The following GRK7 variants were observed in gnomAD, a reference collection of about 807,000 sequenced individuals.
GRK7 encodes G protein-coupled receptor kinase 7.
A neutral mutation model predicts 34.1 loss-of-function variants in GRK7; 24 were observed. The observed-to-expected ratio is 0.70, with a 90% CI of 0.51 to 0.99. The LOEUF (loss-of-function observed/expected upper bound fraction) is 0.99, where lower values mean the gene tolerates loss of function less well. Ranked by LOEUF, GRK7 falls within the 50% of genes least tolerant of loss-of-function variation. The pLI, the probability that GRK7 is intolerant of heterozygous loss-of-function variation, is 0.00. For missense variants in GRK7, 644 were observed against 707.3 expected, an observed-to-expected ratio of 0.91 and a Z score of 1.02; for synonymous variants, 256 against 279.4, an observed-to-expected ratio of 0.92 and a Z score of 0.84.
chr3:141,814,383 A>G (rs1711125700), intron 5 of GRK7, among the ~76,000 whole-genome samples: 1 of 152,156 alleles, frequency 6.6e-6, no homozygotes, highest in Non-Finnish European at 1.5e-5. Flanking sequence ...CACACCCCCA[A>G]AACATCTAGT....
intron 4 of GRK7, among the ~76,000 whole-genome samples, chr3:141,806,796 C>G (rs1012994075): frequency 2.0e-5 from 3 of 151,832 alleles, no homozygotes; most frequent in African/African-American, 4.8e-5. Flanking sequence ...ATGAGTAGTT[C>G]TGGAGATTGG....
chr3:141,772,389 G>A lies in GRK7; in HGVS notation c.-214-2191G>A, dbSNP rs560812115. Among the ~76,000 whole-genome samples the A allele has an allele frequency of 4.6e-5, 7 of 152,294 alleles. No individual in the cohort carries two copies. The East Asian group carries it at 9.6e-4, about 21-fold the overall frequency. On this transcript the variant is annotated intron_variant, in intron 1 of 5. Transcript: ENST00000682958. Reference sequence around the variant, plus strand: ...ATTACAGGCGTGAGCCACTGTGTCCGGCCTTTTTGGGTATTTTAATGCTAA... The same window carrying A: ...ATTACAGGCGTGAGCCACTGTGTCCAGCCTTTTTGGGTATTTTAATGCTAA...
intron 4 of GRK7, among the ~76,000 whole-genome samples, chr3:141,795,993 C>T (rs1262690323): frequency 1.3e-5 from 2 of 152,094 alleles, no homozygotes; most frequent in African/African-American, 4.8e-5. Context: ...CTAATGGTTG[C>T]CGTGTCATCT....
chr3:141,798,213 C>G (rs1471018367), intron 4 of GRK7, among the ~76,000 whole-genome samples: 1 of 152,290 alleles, frequency 6.6e-6, no homozygotes, highest in East Asian at 1.9e-4. Context: ...TGACAGGTGG[C>G]CCTGATGGGA....
Position 141,778,364 on chromosome 3 carries a change from G to C in GRK7, c.80G>C (p.Ser27Thr). The change falls in exon 3 of 6, where the codon AGC becomes ACC. Residue 27 changes from serine (S) to threonine (T), a missense_variant. Ser to Thr is a moderately conservative substitution (Grantham distance 58). Coordinates refer to ENST00000682958, the MANE Select transcript of GRK7 (RefSeq NM_139209.3). This position sits in a 1 kb window ranked among gnomAD's most constrained non-coding sequence, Gnocchi z 4.1. ...GCCCGGAAGCCCTCGGACTGCGACAGCAAAGAGCTGCAGCGGCGGCGGCGT... is the reference window on the plus strand; with the variant it reads ...GCCCGGAAGCCCTCGGACTGCGACACCAAAGAGCTGCAGCGGCGGCGGCGT... ...LQARKPSDCDSKELQRRRRSL... is the reference protein window; with the variant it reads ...LQARKPSDCDTKELQRRRRSL... The C allele has an allele frequency of 6.2e-7, 1 of 1,611,106 alleles. No homozygotes were observed. Among genetic ancestry groups the C allele is most frequent in the Non-Finnish European group, 8.5e-7 (1 of 1,178,286 alleles).
At chr3:141,760,262 A>G (rs1284515143), upstream of GRK7, among the ~76,000 whole-genome samples, 7 of 106,570 alleles carry the variant, frequency 6.6e-5, no homozygotes, top group Admixed American at 2.0e-4. Flanking sequence ...AGTGCTATAA[A>G]TTTCCCTCTA....
chr3:141,809,533 A>G (rs1577927450), intron 5 of GRK7, among the ~76,000 whole-genome samples: 1 of 152,100 alleles, frequency 6.6e-6, no homozygotes, highest in South Asian at 2.1e-4. Context: ...CTGTGCCTCT[A>G]CGGAAAATAC....
chr3:141,780,812 G>A lies in GRK7; in HGVS notation c.1050+1G>A, dbSNP rs1348304224. On this transcript the variant is annotated splice_donor_variant, in intron 4 of 5. Coordinates refer to ENST00000682958, the MANE Select transcript of GRK7 (RefSeq NM_139209.3). LOFTEE classifies it high-confidence loss of function. ...GGGTGGCAAGCCCATCACCCAGAGG[G>A]TGAGTGACTCTCCACCTGCCCCAAG... 1.9e-6 allele frequency: 3 copies of A among 1,609,610 alleles called. No individual in the cohort carries two copies. The highest frequency in any genetic ancestry group is 1.1e-5 in the South Asian group (1 of 90,650).
intron 4 of GRK7, among the ~76,000 whole-genome samples, chr3:141,806,275 C>T (rs1471592577): frequency 1.3e-5 from 2 of 152,030 alleles, no homozygotes; most frequent in African/African-American, 2.4e-5. Context: ...CTGAAAAGTC[C>T]GAGTCGGCCA....
chr3:141,817,207 A>AT lies in GRK7; in HGVS notation c.*161dup. On this transcript the variant is annotated 3_prime_UTR_variant, in exon 6 of 6. Coordinates refer to ENST00000682958, the MANE Select transcript of GRK7 (RefSeq NM_139209.3). ...ACAGGCAAGCTCACTACTAGAACACATTTTATTTTCTTTTTCTTTCTTCAT... is the reference window on the plus strand; with the variant it reads ...ACAGGCAAGCTCACTACTAGAACACATTTTTATTTTCTTTTTCTTTCTTCAT... The AT allele has an allele frequency of 1.9e-6, 1 of 530,356 alleles. No individual in the cohort carries two copies. Among genetic ancestry groups the AT allele is most frequent in the Non-Finnish European group, 3.3e-6 (1 of 307,262 alleles). 32.9% of individuals were successfully genotyped at this position (530,356 alleles called of 1,614,324 possible). A position where few individuals can be genotyped will look rare whatever the true frequency, so the allele number is the denominator to read the frequency against.
rs758207753 is a variant in GRK7, at chr3:141,780,457, C to A, written c.696C>A (p.Gly232=). 1 of 1,614,182 alleles carries A rather than the reference C, an allele frequency of 6.2e-7. No homozygotes were observed. Among genetic ancestry groups the A allele is most frequent in the Admixed American group, 1.7e-5 (1 of 60,024 alleles). ...AGAAGCGGCTGAAGAAGAAAGGTGG[C>A]GAGAAGATGGCTCTCTTGGAAAAGG... ...LDKKRLKKKG[G]EKMALLEKEI... Residue 232 remains glycine, a synonymous_variant, in exon 4 of 6, where the codon GGC becomes GGA. Transcript: ENST00000682958.
chr3:141,768,863 G>A (rs574148580), intron 1 of GRK7, among the ~76,000 whole-genome samples: 10 of 152,054 alleles, frequency 6.6e-5, no homozygotes, highest in South Asian at 2.1e-4. Flanking sequence ...TGGCTTTTGC[G>A]GCACCACACT....
chr3:141,814,655 T>C (rs1198277078), intron 5 of GRK7, among the ~76,000 whole-genome samples: 10 of 152,216 alleles, frequency 6.6e-5, no homozygotes, highest in Admixed American at 6.5e-4. Flanking sequence ...ATTCCGTGTC[T>C]TTGCTATTGT....
chr3:141,768,843 A>G (rs956068003), intron 1 of GRK7, among the ~76,000 whole-genome samples: 2 of 151,130 alleles, frequency 1.3e-5, no homozygotes, highest in East Asian at 2.0e-4. Context: ...GCAGTTGGCC[A>G]CTCTCTACTT....
In GRK7 at chr3:141,807,701, C is replaced by T. The variant is rs541213789; in HGVS notation, c.1107C>T (p.Ser369=). The T allele has an allele frequency of 6.2e-7, 1 of 1,614,082 alleles. No individual in the cohort carries two copies. The highest frequency in any genetic ancestry group is 2.2e-5 in the East Asian group (1 of 44,890). ...PEILMEKVSY[S]YPVDWFAMGC... is the part of the protein sequence containing the mutation. ...TCCTAATGGAAAAGGTAAGTTATTC[C>T]TATCCTGTGGACTGGTTTGCCATGG... The change falls in exon 5 of 6, where the codon TCC becomes TCT. Residue 369 remains serine, a synonymous_variant. Coordinates refer to ENST00000682958, the MANE Select transcript of GRK7 (RefSeq NM_139209.3).
At chr3:141,776,230 T>C (rs1013333716) in intron 2 of GRK7, among the ~76,000 whole-genome samples, 2 of 151,878 alleles carry the variant, frequency 1.3e-5, no homozygotes, top group African/African-American at 4.8e-5. Context: ...GAGTTTGCAG[T>C]GAGCCGAGAT....
chr3:141,761,570 T>G (rs1315632715), upstream of GRK7, among the ~76,000 whole-genome samples: 3 of 54,270 alleles, frequency 5.5e-5, 1 homozygote, highest in South Asian at 1.9e-3. Flanking sequence ...ATTTCAACTT[T>G]GGTGAATCTG....
At chr3:141,777,286 C>CTGCTTCA (rs1427228245) in intron 2 of GRK7, among the ~76,000 whole-genome samples, 2 of 143,724 alleles carry the variant, frequency 1.4e-5, no homozygotes, top group Admixed American at 7.0e-5. Flanking sequence ...TCTGCTTATA[C>CTGCTTCA]TGCTTCATGG....
At chr3:141,762,863 A>C (rs1282801910), upstream of GRK7, among the ~76,000 whole-genome samples, 1 of 152,126 alleles carries the variant, frequency 6.6e-6, no homozygotes, top group East Asian at 1.9e-4. Context: ...GAAAAGCGCA[A>C]TATTCGGGTG....
Sources: allele counts gnomAD v4.1 joint callset (sites outside exome capture counted in the v4.1 genomes callset), GRCh38; gene constraint gnomAD v4.1.1; non-coding constraint Gnocchi (gnomAD v3.1); transcripts MANE v1.5; gene names NCBI Gene and HGNC (gene_info 2026-07-23, HGNC 2026-07-21).